MTDH: variants seen among roughly 807,000 people sequenced by gnomAD.
MTDH encodes protein LYRIC.
Under a neutral mutation model 72.7 loss-of-function variants are expected in MTDH, and 34 were observed. The observed-to-expected ratio is 0.47, with a 90% CI of 0.36 to 0.62. MTDH has a LOEUF of 0.62. Ranked by LOEUF, MTDH falls within the 20% of genes least tolerant of loss-of-function variation. The pLI is 0.00. For missense variants in MTDH, 677 were observed against 699.4 expected, an observed-to-expected ratio of 0.97 and a Z score of 0.36; for synonymous variants, 266 against 268.9, an observed-to-expected ratio of 0.99 and a Z score of 0.10.
At chr8:97,652,239 G>C (rs57141648) in intron 1 of MTDH, among the ~76,000 whole-genome samples, 5,444 of 152,212 alleles carry the variant, frequency 0.036, 296 homozygotes, top group African/African-American at 0.12. Context: ...CCCAGCACCT[G>C]CTTTTCATTC....
In MTDH at chr8:97,683,950, A is replaced by G. The variant is rs142609011; in HGVS notation, c.484-2718A>G. Among the ~76,000 whole-genome samples the G allele has an allele frequency of 5.3e-3, 808 of 152,202 alleles. 5 individuals carry two copies. Among genetic ancestry groups the G allele is most frequent in the African/African-American group, 0.017 (715 of 41,530 alleles). On this transcript the variant is annotated intron_variant, in intron 2 of 11. Coordinates refer to ENST00000336273, the MANE Select transcript of MTDH (RefSeq NM_178812.4). Reference sequence around the variant, plus strand: ...AACATGGAAAAACCCCATCTCTACTAAAAATACAAAATTAGCTGGGCATGG... The same window carrying G: ...AACATGGAAAAACCCCATCTCTACTGAAAATACAAAATTAGCTGGGCATGG...
intron 9 of MTDH, among the ~76,000 whole-genome samples, chr8:97,714,570 ACTCCAGC>A (rs1814777014): frequency 6.6e-6 from 1 of 151,658 alleles, no homozygotes; most frequent in Non-Finnish European, 1.5e-5. Flanking sequence ...ACACTACTGT[ACTCCAGC>A]CTGGGTCACA....
Position 97,687,417 on chromosome 8 carries a change from G to T in MTDH, c.569-12G>T. ...CTTACTGAATAACATTTTTTTTCTG[G>T]GGCTATGTCAGGAGCCTGGGAAACT... On this transcript the variant is annotated splice_polypyrimidine_tract_variant and intron_variant, in intron 3 of 11. Transcript: ENST00000336273. 1.3e-6 allele frequency: 2 copies of T among 1,550,356 alleles called. No individual in the cohort carries two copies. The highest frequency in any genetic ancestry group is 1.7e-6 in the Non-Finnish European group (2 of 1,148,960).
In MTDH at chr8:97,724,635, A is replaced by G; in HGVS notation, c.1714A>G (p.Ile572Val). The G allele has an allele frequency of 6.3e-7, 1 of 1,594,338 alleles. No homozygotes were observed. The highest frequency in any genetic ancestry group is 8.5e-7 in the Non-Finnish European group (1 of 1,175,696). The change falls in exon 12 of 12, where the codon ATA becomes GTA. Residue 572 changes from isoleucine to valine, a missense_variant. Around this residue, in one of 3 missense-constraint regions of MTDH, gnomAD observed 201 missense variants for 204.5 expected, o/e 0.98. Transcript: ENST00000336273. ...AACTAGCTGGGAATCTCCCAAACAA[A>G]TAAAAAAGAAGAAAAAAGCCAGACG... The part of the protein sequence containing the change: ...SETSWESPKQ[I>V]KKKKKARRET
intron 2 of MTDH, among the ~76,000 whole-genome samples, chr8:97,670,998 G>T (rs865880481): frequency 8.5e-6 from 1 of 118,166 alleles, no homozygotes; most frequent in Non-Finnish European, 1.6e-5. Context: ...TCGCTCTGTC[G>T]CCCAGGCCGG....
chr8:97,660,022 G>A (rs377356095), intron 1 of MTDH, among the ~76,000 whole-genome samples: 35 of 152,282 alleles, frequency 2.3e-4, no homozygotes, highest in Middle Eastern at 3.4e-3. Context: ...AGCCGGGCGT[G>A]GTGGCATGCA....
intron 9 of MTDH, among the ~76,000 whole-genome samples, 163 bp from the exon 10 acceptor site, chr8:97,718,884 CAG>C (rs1052299412): frequency 6.6e-6 from 1 of 151,784 alleles, no homozygotes; most frequent in African/African-American, 2.4e-5. Flanking sequence ...TTTGTAGAGA[CAG>C]GGTTTCACCA....
intron 1 of MTDH, 23 bp downstream of exon 1, chr8:97,644,910 T>TA (rs755089395): frequency 1.5e-5 from 23 of 1,513,854 alleles, no homozygotes; most frequent in Admixed American, 7.7e-5. Flanking sequence ...TGAGCGGCAG[T>TA]AGAGAACGGG....
chr8:97,695,326 C>G (rs1421523647), intron 6 of MTDH, among the ~76,000 whole-genome samples: 1 of 152,066 alleles, frequency 6.6e-6, no homozygotes, highest in African/African-American at 2.4e-5. Context: ...GTTGGCCAGG[C>G]TGGTCTTGAA....
intron 2 of MTDH, among the ~76,000 whole-genome samples, chr8:97,670,793 G>C (rs983209878): frequency 2.0e-5 from 3 of 152,080 alleles, no homozygotes; most frequent in Admixed American, 6.6e-5. Flanking sequence ...AGCTCTCTCT[G>C]TTGCCCAGGC....
At chr8:97,715,551 C>T (rs1264799055) in intron 9 of MTDH, among the ~76,000 whole-genome samples, 3 of 152,280 alleles carry the variant, frequency 2.0e-5, no homozygotes, top group South Asian at 2.1e-4. Flanking sequence ...TACTTGCTTG[C>T]TTTTTCAGTA....
intron 2 of MTDH, among the ~76,000 whole-genome samples, chr8:97,675,630 G>C (rs924398268): frequency 2.6e-5 from 4 of 151,608 alleles, no homozygotes; most frequent in African/African-American, 4.8e-5. Context: ...CCCAGCACTT[G>C]GGAGGCTGAG....
intron 1 of MTDH, among the ~76,000 whole-genome samples, chr8:97,651,462 A>T (rs191372695): frequency 3.3e-5 from 5 of 152,304 alleles, no homozygotes; most frequent in Admixed American, 6.5e-5. Context: ...ATGTGACACT[A>T]AATAGTCCTC....
intron 9 of MTDH, among the ~76,000 whole-genome samples, chr8:97,716,204 T>G (rs1278486413): frequency 6.6e-6 from 1 of 151,810 alleles, no homozygotes; most frequent in Non-Finnish European, 1.5e-5. Flanking sequence ...CTGACCAACA[T>G]GGAGAAACCC....
chr8:97,695,171 C>T (rs946563488), intron 6 of MTDH, among the ~76,000 whole-genome samples: 3 of 150,460 alleles, frequency 2.0e-5, no homozygotes, highest in African/African-American at 7.4e-5. Flanking sequence ...TGCAGTGGCA[C>T]AATCTTGGCT....
intron 2 of MTDH, among the ~76,000 whole-genome samples, chr8:97,663,482 C>T (rs1442952243): frequency 6.6e-6 from 1 of 152,042 alleles, no homozygotes; most frequent in African/African-American, 2.4e-5. Context: ...GGCGCGGTGG[C>T]TCACGCCTGT....
chr8:97,701,121 C>G (rs1294155626), intron 7 of MTDH, among the ~76,000 whole-genome samples: 1 of 152,044 alleles, frequency 6.6e-6, no homozygotes, highest in East Asian at 1.9e-4. Flanking sequence ...TAAAATCGAG[C>G]AAATAATGTG....
At chr8:97,698,950 G>A (rs1443069376) in intron 6 of MTDH, among the ~76,000 whole-genome samples, 1 of 151,960 alleles carries the variant, frequency 6.6e-6, no homozygotes, top group South Asian at 2.1e-4. Flanking sequence ...ACCAGCCTGG[G>A]CAACACAGGG....
At chr8:97,703,869 CCT>C (rs1814240082) in intron 7 of MTDH, among the ~76,000 whole-genome samples, 1 of 152,128 alleles carries the variant, frequency 6.6e-6, no homozygotes, top group Non-Finnish European at 1.5e-5. Context: ...CTCATATAAT[CCT>C]CTCAGCAATC....
Sources: gnomAD v4.1 joint callset for allele counts (sites outside exome capture counted in the v4.1 genomes callset) on GRCh38, gnomAD v4.1.1 for gene constraint, gnomAD v4.1.1 regional missense constraint, MANE v1.5 for transcripts, NCBI Gene and HGNC (gene_info 2026-07-23, HGNC 2026-07-21) for gene names.